Variants in SAMD14 observed in about 807,000 individuals in gnomAD.
The protein encoded by SAMD14 is sterile alpha motif domain-containing protein 14.
In SAMD14, 27 loss-of-function variants were observed where a neutral mutation model predicts 46.2. The observed-to-expected ratio is 0.58, with a 90% CI of 0.43 to 0.81. The LOEUF is 0.81. Ranked by LOEUF, SAMD14 falls within the 30% of genes least tolerant of loss-of-function variation. The pLI, the probability that SAMD14 is intolerant of heterozygous loss-of-function variation, is 0.00. For synonymous variants in SAMD14, 241 were observed against 254.3 expected, an observed-to-expected ratio of 0.95 and a Z score of 0.50; for missense variants, 559 against 582.2, an observed-to-expected ratio of 0.96 and a Z score of 0.41.
Position 50,117,713 on chromosome 17 carries a change from C to T in SAMD14, c.211-18G>A, listed in dbSNP as rs1469113307. ...TCGGTCACCTGGACGAGGGGGCAGC[C>T]GCTCACCGAGAACCCTCCTCCTCCC... is the stretch of plus-strand genomic sequence containing the variant. On this transcript the variant is annotated intron_variant, in intron 3 of 9. Transcript: ENST00000330175. 2 of 1,424,922 alleles carry T rather than the reference C, an allele frequency of 1.4e-6. No homozygotes were observed. Among genetic ancestry groups the T allele is most frequent in the Non-Finnish European group, 1.8e-6 (2 of 1,095,180 alleles). 88.3% of individuals were successfully genotyped at this position (1,424,922 alleles called of 1,614,324 possible).
chr17:50,117,818 C>T (rs1185490773), intron 3 of SAMD14, 123 bp from the exon 4 acceptor site: 1 of 1,074,056 alleles, frequency 9.3e-7, no homozygotes, highest in African/African-American at 1.7e-5. Context: ...GGAGGGTTTC[C>T]TCATGCCTTA....
At chr17:50,118,454 C>T (rs739500) in intron 2 of SAMD14, 127 bp from the exon 3 acceptor site, 608,471 of 1,092,906 alleles carry the variant, frequency 0.56, 171,465 homozygotes, top group African/African-American at 0.64. Context: ...GTGCTGGGAG[C>T]ACAGACAGAT....
At chr17:50,117,363 C>T in intron 4 of SAMD14, 44 bp downstream of exon 4, 1 of 1,278,852 alleles carries the variant, frequency 7.8e-7, no homozygotes, top group Non-Finnish European at 9.9e-7. Context: ...GGCTGCTGCG[C>T]CCGGGAGCGA....
Position 50,130,079 on chromosome 17 carries a change from CG to C in SAMD14, c.-576del, listed in dbSNP as rs1911965495. Among the ~76,000 whole-genome samples the C allele has an allele frequency of 2.2e-5, 2 of 92,374 alleles. No homozygotes were observed. Among genetic ancestry groups the C allele is most frequent in the South Asian group, 9.0e-4 (2 of 2,220 alleles). The allele number at this position is 92,374 out of a possible 152,430, so 60.6% of individuals were successfully genotyped here. A position where few individuals can be genotyped will look rare whatever the true frequency, so the allele number is the denominator to read the frequency against. On this transcript the variant is annotated 5_prime_UTR_variant, in exon 1 of 10. Transcript: ENST00000330175. This position sits in a 1 kb window ranked among gnomAD's most constrained non-coding sequence, Gnocchi z 4.1. ...GCGGGAGGGAGCGAGGGGGCGGGGG[CG>C]GGGGAGGGCGGCGGGGAGGAGGCGG...
chr17:50,127,614 A>G (rs1050235985), intron 1 of SAMD14, among the ~76,000 whole-genome samples: 1 of 151,288 alleles, frequency 6.6e-6, no homozygotes, highest in Non-Finnish European at 1.5e-5. Context: ...AAAAAAAAAC[A>G]AAAAACAAAA....
At chr17:50,123,291 G>A (rs994357942) in intron 2 of SAMD14, among the ~76,000 whole-genome samples, 6 of 152,226 alleles carry the variant, frequency 3.9e-5, no homozygotes, top group Admixed American at 2.6e-4. Context: ...AGCAGAGATG[G>A]GAAGGAATTT....
In SAMD14 at chr17:50,111,912, G is replaced by C. The variant is rs961518123; in HGVS notation, c.*981C>G. 6.6e-6 allele frequency: 1 copy of C among 152,076 alleles called. No homozygotes were observed. The highest frequency in any genetic ancestry group is 2.4e-5 in the African/African-American group (1 of 41,396). The allele number at this position is 152,076 out of a possible 1,614,324, so 9.4% of individuals were successfully genotyped here. On this transcript the variant is annotated 3_prime_UTR_variant, in exon 10 of 10. Transcript: ENST00000330175. The stretch of plus-strand genomic sequence containing the variant: ...TTCCCTGACAATGCCTGGGGCAGAT[G>C]GGGGAGGGCTGATGAACCTTTCCAA...
chr17:50,110,866 C>A lies in SAMD14; in HGVS notation c.*2027G>T. 6.6e-6 allele frequency: 1 copy of A among 152,592 alleles called. No individual in the cohort carries two copies. The allele number at this position is 152,592 out of a possible 1,614,324, so 9.5% of individuals were successfully genotyped here. Reference sequence around the variant, plus strand: ...TCCTGCCTGAGCTCCAGCCCCCAGCCCCCACTGTGCCCAGACATGTGTGCT... The same window carrying A: ...TCCTGCCTGAGCTCCAGCCCCCAGCACCCACTGTGCCCAGACATGTGTGCT... On this transcript the variant is annotated 3_prime_UTR_variant, in exon 10 of 10. Transcript: ENST00000330175.
chr17:50,127,613 C>A (rs931824046), intron 1 of SAMD14, among the ~76,000 whole-genome samples: 4 of 148,642 alleles, frequency 2.7e-5, no homozygotes, highest in African/African-American at 7.5e-5. Flanking sequence ...AAAAAAAAAA[C>A]AAAAAACAAA....
intron 2 of SAMD14, among the ~76,000 whole-genome samples, chr17:50,119,184 G>A (rs1434150208): frequency 6.6e-6 from 1 of 152,218 alleles, no homozygotes; most frequent in East Asian, 1.9e-4. Context: ...CTGTGGCCCT[G>A]TGCTAGATCT....
intron 1 of SAMD14, among the ~76,000 whole-genome samples, chr17:50,126,451 C>T (rs978583934): frequency 6.6e-6 from 1 of 151,964 alleles, no homozygotes; most frequent in African/African-American, 2.4e-5. Flanking sequence ...ACTACAGTCG[C>T]CCACCACCAC....
chr17:50,116,460 C>T (rs1437138897), intron 4 of SAMD14, among the ~76,000 whole-genome samples: 1 of 140,572 alleles, frequency 7.1e-6, no homozygotes, highest in Non-Finnish European at 1.5e-5. Flanking sequence ...GGCTGGAGTG[C>T]AATGGCGTGA....
intron 2 of SAMD14, chr17:50,124,271 T>C (rs1911641969): frequency 2.3e-6 from 1 of 437,634 alleles, no homozygotes; most frequent in Non-Finnish European, 4.6e-6. Flanking sequence ...GGTGTGTGCA[T>C]GCACCCCAGT....
At chr17:50,118,424 C>A in intron 2 of SAMD14, 97 bp from the exon 3 acceptor site, 1 of 1,415,170 alleles carries the variant, frequency 7.1e-7, no homozygotes, top group Admixed American at 2.0e-5. Flanking sequence ...ACACCCCAGG[C>A]ATTCAACCCG....
chr17:50,112,929 C>T lies in SAMD14; in HGVS notation c.1218G>A (p.Lys406=). The change falls in exon 10 of 10, where the codon AAG becomes AAA. Residue 406 remains lysine (K), a synonymous_variant. Coordinates refer to ENST00000330175, the MANE Select transcript of SAMD14 (RefSeq NM_001257359.2). ...AQEKAARQRE[K]LRRREQEAKK... ...TGGCCTCCTGCTCTCGGCGCCGGAG[C>T]TTCTCCCGCTGCCGCGCAGCCTTCT... The T allele has an allele frequency of 6.2e-7, 1 of 1,608,390 alleles. No homozygotes were observed. Among genetic ancestry groups the T allele is most frequent in the Non-Finnish European group, 8.5e-7 (1 of 1,179,936 alleles).
Position 50,117,700 on chromosome 17 carries a change from A to G in SAMD14, c.211-5T>C. The G allele has an allele frequency of 7.0e-7, 1 of 1,434,908 alleles. No homozygotes were observed. The highest frequency in any genetic ancestry group is 9.1e-7 in the Non-Finnish European group (1 of 1,099,472). The allele number at this position is 1,434,908 out of a possible 1,614,324, so 88.9% of individuals were successfully genotyped here. A position where few individuals can be genotyped will look rare whatever the true frequency, so the allele number is the denominator to read the frequency against. Reference sequence around the variant, plus strand: ...GCTCCCGCAGCCATCGGTCACCTGGACGAGGGGGCAGCCGCTCACCGAGAA... The same window carrying G: ...GCTCCCGCAGCCATCGGTCACCTGGGCGAGGGGGCAGCCGCTCACCGAGAA... On this transcript the variant is annotated splice_region_variant and splice_polypyrimidine_tract_variant and intron_variant, in intron 3 of 9. Coordinates refer to ENST00000330175, the MANE Select transcript of SAMD14 (RefSeq NM_001257359.2).
At chr17:50,125,319 G>C (rs1911716424) in intron 1 of SAMD14, 1 of 248,716 alleles carries the variant, frequency 4.0e-6, no homozygotes, top group Non-Finnish European at 7.9e-6. Context: ...CGCATCATTA[G>C]CATCCCCTAA....
chr17:50,118,057 G>A, intron 3 of SAMD14, 104 bp downstream of exon 3: 1 of 1,269,864 alleles, frequency 7.9e-7, no homozygotes, highest in Non-Finnish European at 1.1e-6. Flanking sequence ...TCAGGAGTCT[G>A]GGGATGTGGT....
rs538760933 is a variant in SAMD14 at position 50,118,179 on chromosome 17, C to A, written c.192G>T (p.Ser64=). Residue 64 remains serine (S), a synonymous_variant, in exon 3 of 10, where the codon TCG becomes TCT. Coordinates refer to ENST00000330175, the MANE Select transcript of SAMD14 (RefSeq NM_001257359.2). ...CCCCAACCTTGCCTCCGGGCCCATCCGAGCCTTCACCATCCTCCGCGGAGC... is the reference window on the plus strand; with the variant it reads ...CCCCAACCTTGCCTCCGGGCCCATCAGAGCCTTCACCATCCTCCGCGGAGC... ...SASSAEDGEG[S]DGPGGKVTDG... is the part of the protein sequence containing the mutation. 2.5e-6 allele frequency: 4 copies of A among 1,603,086 alleles called. No homozygotes were observed. Among genetic ancestry groups the A allele is most frequent in the African/African-American group, 2.7e-5 (2 of 74,798 alleles).
Sources: allele counts gnomAD v4.1 joint callset (sites outside exome capture counted in the v4.1 genomes callset), GRCh38; gene constraint gnomAD v4.1.1; non-coding constraint Gnocchi (gnomAD v3.1); transcripts MANE v1.5; gene names NCBI Gene and HGNC (gene_info 2026-07-23, HGNC 2026-07-21).